The following PRKCA variants were observed in gnomAD, a reference collection of about 807,000 sequenced individuals.
PRKCA encodes the protein protein kinase C alpha type.
A neutral mutation model predicts 87.0 loss-of-function variants in PRKCA; 27 were observed. The observed-to-expected ratio is 0.31, with a 90% confidence interval of 0.23 to 0.43. The LOEUF (loss-of-function observed/expected upper bound fraction) is 0.43, where lower values mean the gene tolerates loss of function less well. Ranked by LOEUF, PRKCA falls within the 20% of genes least tolerant of loss-of-function variation. The probability of loss-of-function intolerance (pLI) is 1.00; values close to 1 mark genes in which losing one functional copy is unlikely to be tolerated. For synonymous variants in PRKCA, 329 were observed against 311.1 expected (o/e 1.06, Z -0.61); for missense variants, 518 against 852.3 (o/e 0.61, Z 4.88).
intron 7 of PRKCA, 116 bp from the exon 8 acceptor site, chr17:66,688,835 A>T (rs1176680272): frequency 4.4e-6 from 3 of 684,438 alleles, no homozygotes; most frequent in Non-Finnish European, 2.6e-6. Context: ...TCAAATGTCT[A>T]CTGATCTGGC....
chr17:66,470,135 G>A (rs1427056765), intron 2 of PRKCA, among the ~76,000 whole-genome samples: 4 of 150,656 alleles, frequency 2.7e-5, no homozygotes, highest in Non-Finnish European at 5.9e-5. Flanking sequence ...GTCACATGAA[G>A]GAGATTCCCC....
At chr17:66,327,857 G>T (rs922808073) in intron 2 of PRKCA, among the ~76,000 whole-genome samples, 33 of 152,124 alleles carry the variant, frequency 2.2e-4, no homozygotes, top group African/African-American at 8.0e-4. Flanking sequence ...CAGCCACGGT[G>T]CCTGATGCTG....
At chr17:66,795,375 A>C (rs1188581264) in intron 16 of PRKCA, among the ~76,000 whole-genome samples, 1 of 152,190 alleles carries the variant, frequency 6.6e-6, no homozygotes, top group Non-Finnish European at 1.5e-5. Context: ...TTGAGATCTC[A>C]AGATGGGAAG....
rs138877928 is a variant in PRKCA at position 66,523,087 on chromosome 17, A to T, written c.288+26804A>T. On this transcript the variant is annotated intron_variant, in intron 3 of 16. Transcript: ENST00000413366. ...ACAGGAGAGAAGACAGTACTCTCTG[A>T]AGTGTGTGTGGCCTGAGTCACCTGG... Among the ~76,000 whole-genome samples the T allele has an allele frequency of 2.6e-5, 4 of 152,234 alleles. No individual in the cohort carries two copies. The East Asian group carries it at 7.7e-4, about 29-fold the overall frequency.
intron 3 of PRKCA, among the ~76,000 whole-genome samples, chr17:66,618,503 G>A (rs1388320397): frequency 2.0e-5 from 3 of 151,926 alleles, no homozygotes; most frequent in African/African-American, 7.3e-5. Flanking sequence ...CTGTTTTGGG[G>A]CCCATTATAA....
intron 13 of PRKCA, among the ~76,000 whole-genome samples, chr17:66,767,513 A>G (rs1974837589): frequency 6.6e-6 from 1 of 152,196 alleles, no homozygotes; most frequent in Non-Finnish European, 1.5e-5. Flanking sequence ...CAGGATTTGT[A>G]GAAAAGCTGA....
chr17:66,303,498 CGG>C, intron 1 of PRKCA, among the ~76,000 whole-genome samples: 1 of 12,188 alleles, frequency 8.2e-5, no homozygotes, highest in East Asian at 9.4e-3. Flanking sequence ...TGGGCGCGTT[CGG>C]GGTGGGGGGG....
At chr17:66,546,993 T>C (rs1968163929) in intron 3 of PRKCA, among the ~76,000 whole-genome samples, 1 of 152,312 alleles carries the variant, frequency 6.6e-6, no homozygotes, top group South Asian at 2.1e-4. Context: ...ATCTCCCATA[T>C]CTGTCCCCTC....
At chr17:66,348,744 A>C (rs965719354) in intron 2 of PRKCA, among the ~76,000 whole-genome samples, 6 of 152,190 alleles carry the variant, frequency 3.9e-5, no homozygotes, top group Non-Finnish European at 8.8e-5. Context: ...AGGCAGTTGG[A>C]ACATTATCCA....
intron 5 of PRKCA, among the ~76,000 whole-genome samples, chr17:66,653,124 A>T (rs1971636276): frequency 6.6e-6 from 1 of 152,230 alleles, no homozygotes; most frequent in Non-Finnish European, 1.5e-5. Flanking sequence ...TGCCACAGGC[A>T]GGTTCTGGGA....
chr17:66,595,345 T>C (rs919069368), intron 3 of PRKCA, among the ~76,000 whole-genome samples: 31 of 152,142 alleles, frequency 2.0e-4, no homozygotes, highest in Non-Finnish European at 1.5e-5. Context: ...CCCTCACTTT[T>C]CTTTCGCAAG....
chr17:66,454,065 GC>G (rs1203871379), intron 2 of PRKCA, among the ~76,000 whole-genome samples: 1 of 152,186 alleles, frequency 6.6e-6, no homozygotes, highest in African/African-American at 2.4e-5. Context: ...TCCTCCTCAT[GC>G]CCTAGTTTCA....
intron 13 of PRKCA, among the ~76,000 whole-genome samples, chr17:66,761,740 T>A (rs967938632): frequency 2.0e-4 from 30 of 152,168 alleles, no homozygotes; most frequent in African/African-American, 6.7e-4. Flanking sequence ...CTTTTTTTTT[T>A]ATATAATGCA....
chr17:66,507,210 A>T (rs552934060), intron 3 of PRKCA, among the ~76,000 whole-genome samples: 2 of 152,372 alleles, frequency 1.3e-5, no homozygotes, highest in South Asian at 4.1e-4. Context: ...TACTATTCAA[A>T]TAGTCACTTC....
chr17:66,643,022 C>A (rs1971349342), intron 4 of PRKCA, among the ~76,000 whole-genome samples: 1 of 151,952 alleles, frequency 6.6e-6, no homozygotes, highest in African/African-American at 2.4e-5. Context: ...CCTGGGCAAA[C>A]AAGAGTGAAA....
intron 2 of PRKCA, among the ~76,000 whole-genome samples, chr17:66,435,409 C>A (rs188287709): frequency 6.6e-6 from 1 of 152,176 alleles, no homozygotes; most frequent in Non-Finnish European, 1.5e-5. Context: ...CCCGTGCAGC[C>A]GGCGTTTTGT....
At chr17:66,570,461 C>T (rs2051789198) in intron 3 of PRKCA, among the ~76,000 whole-genome samples, 1 of 152,162 alleles carries the variant, frequency 6.6e-6, no homozygotes, top group Admixed American at 6.5e-5. Context: ...TTTAAAATTT[C>T]TTTAAAAATT....
chr17:66,504,394 G>T lies in PRKCA; in HGVS notation c.288+8111G>T, dbSNP rs146506621. On this transcript the variant is annotated intron_variant, in intron 3 of 16. Transcript: ENST00000413366. ...ACCTGAGGTCAGGAGCTCAAGACCA[G>T]CCAGGCTGACCAACATGGTGAAACC... Among the ~76,000 whole-genome samples, 960 of 152,230 alleles carry T rather than the reference G, an allele frequency of 6.3e-3. 7 individuals are homozygous for T. The highest frequency in any genetic ancestry group is 6.5e-3 in the Non-Finnish European group (439 of 68,008).
In PRKCA at chr17:66,302,699, C is replaced by T. The variant is rs979072041; in HGVS notation, c.-153C>T. 4.7e-5 allele frequency: 15 copies of T among 318,486 alleles called. No individual in the cohort carries two copies. The highest frequency in any genetic ancestry group is 3.2e-4 in the African/African-American group (14 of 43,754). 19.7% of individuals were successfully genotyped at this position (318,486 alleles called of 1,614,324 possible). ...AGCACCAGCCCGACTCTCCCCGGCC[C>T]CCGCCGCGCCCCCTCGCCGCGACCT... is the stretch of plus-strand genomic sequence containing the variant. On this transcript the variant is annotated 5_prime_UTR_variant, in exon 1 of 17. Coordinates refer to ENST00000413366, the MANE Select transcript of PRKCA (RefSeq NM_002737.3).
Sources: allele counts gnomAD v4.1 joint callset (sites outside exome capture counted in the v4.1 genomes callset), GRCh38; gene constraint gnomAD v4.1.1; transcripts MANE v1.5; gene names NCBI Gene and HGNC (gene_info 2026-07-23, HGNC 2026-07-21).